The following BTBD9 variants were observed in gnomAD, a reference collection of about 807,000 sequenced individuals.
The protein encoded by BTBD9 is BTB domain containing 9, also known as BTB/POZ domain-containing protein 9.
A neutral mutation model predicts 64.3 loss-of-function variants in BTBD9; 49 were observed. The ratio of observed to expected loss-of-function variants is 0.76; its 90% CI spans 0.61 to 0.97. The LOEUF is 0.97. Among genes scored for constraint, BTBD9 ranks in the 50% least tolerant of loss-of-function variants. The pLI is 0.00. For missense variants in BTBD9, 598 were observed against 762.1 expected (o/e 0.78, Z 2.53); for synonymous variants, 260 against 274.7 (o/e 0.95, Z 0.53).
chr6:38,328,850 G>A (rs1763552137), intron 7 of BTBD9, among the ~76,000 whole-genome samples: 1 of 151,830 alleles, frequency 6.6e-6, no homozygotes, highest in Non-Finnish European at 1.5e-5. Flanking sequence ...GGGAGACTGA[G>A]GCAGGCGAAT....
At chr6:38,573,094 T>C (rs1303796724) in intron 6 of BTBD9, among the ~76,000 whole-genome samples, 1 of 152,048 alleles carries the variant, frequency 6.6e-6, no homozygotes, top group Non-Finnish European at 1.5e-5. Flanking sequence ...AGGCTTTTCA[T>C]AAATAAGAAA....
chr6:38,331,500 C>G (rs1452657358), intron 7 of BTBD9, among the ~76,000 whole-genome samples: 1 of 151,794 alleles, frequency 6.6e-6, no homozygotes, highest in Non-Finnish European at 1.5e-5. Context: ...AGAGGGGGGG[C>G]CAAGAAATAT....
At chr6:38,587,309 T>C (rs539454861) in intron 4 of BTBD9, 57 of 420,096 alleles carry the variant, frequency 1.4e-4, no homozygotes, top group South Asian at 1.2e-3. Context: ...AGATAGAACA[T>C]CCTGGAGTCC....
chr6:38,469,861 T>G (rs1348113936), intron 6 of BTBD9, among the ~76,000 whole-genome samples: 1 of 152,218 alleles, frequency 6.6e-6, no homozygotes, highest in Non-Finnish European at 1.5e-5. Flanking sequence ...TGCCACATAC[T>G]CTTTCAGACT....
chr6:38,363,126 T>C (rs1011652586), intron 6 of BTBD9, among the ~76,000 whole-genome samples: 7 of 152,340 alleles, frequency 4.6e-5, no homozygotes, highest in African/African-American at 7.2e-5. Context: ...TCTTGCTCTG[T>C]TGCCCAGGCT....
intron 1 of BTBD9, among the ~76,000 whole-genome samples, chr6:38,619,209 C>T (rs1458308151): frequency 1.3e-5 from 2 of 152,106 alleles, no homozygotes; most frequent in Non-Finnish European, 2.9e-5. Context: ...CCACGGATAT[C>T]AGGAGAAAGC....
chr6:38,362,290 A>T (rs773528380), intron 6 of BTBD9, among the ~76,000 whole-genome samples: 13 of 152,154 alleles, frequency 8.5e-5, no homozygotes, highest in Middle Eastern at 3.2e-3. Context: ...TATCAAAGTT[A>T]AGTGTCTACT....
intron 1 of BTBD9, among the ~76,000 whole-genome samples, chr6:38,625,363 A>C (rs527266083): frequency 3.9e-5 from 6 of 152,310 alleles, no homozygotes; most frequent in Non-Finnish European, 8.8e-5. Context: ...CCTATAACAC[A>C]CTTTAAAATC....
chr6:38,441,927 A>G (rs1264382149), intron 6 of BTBD9, among the ~76,000 whole-genome samples: 3 of 152,224 alleles, frequency 2.0e-5, no homozygotes, highest in Non-Finnish European at 4.4e-5. Context: ...TAGAAAGTAC[A>G]GAGCTGAGAG....
chr6:38,259,711 T>C (rs976724687), intron 8 of BTBD9, among the ~76,000 whole-genome samples: 28 of 152,220 alleles, frequency 1.8e-4, no homozygotes, highest in African/African-American at 6.8e-4. Context: ...CCTTATTTTC[T>C]ATTGTAATTC....
At chr6:38,202,586 C>T (rs1762504409) in intron 9 of BTBD9, among the ~76,000 whole-genome samples, 1 of 152,088 alleles carries the variant, frequency 6.6e-6, no homozygotes, top group Non-Finnish European at 1.5e-5. Flanking sequence ...ACAGAGTATA[C>T]TGGAACACCC....
chr6:38,428,989 G>A (rs922686542), intron 6 of BTBD9, among the ~76,000 whole-genome samples: 9 of 151,654 alleles, frequency 5.9e-5, no homozygotes, highest in Non-Finnish European at 1.3e-4. Flanking sequence ...GATTACAGGC[G>A]TGAGCCACTG....
chr6:38,538,921 C>T (rs1774145835), intron 6 of BTBD9, among the ~76,000 whole-genome samples: 1 of 151,942 alleles, frequency 6.6e-6, no homozygotes, highest in Admixed American at 6.6e-5. Flanking sequence ...GTAGCTGGGA[C>T]AACAGGCACA....
intron 10 of BTBD9, among the ~76,000 whole-genome samples, chr6:38,177,158 C>T (rs776592702): frequency 6.6e-6 from 1 of 152,202 alleles, no homozygotes; most frequent in Non-Finnish European, 1.5e-5. Flanking sequence ...TCTCCCTGCT[C>T]GGTCAATATC....
At chr6:38,504,395 C>A in intron 6 of BTBD9, 1 of 356,540 alleles carries the variant, frequency 2.8e-6, no homozygotes, top group East Asian at 7.3e-5. Flanking sequence ...GTTACCACTA[C>A]CCAAACTACA....
At position 38,545,165 on chromosome 6, in the gene BTBD9, C is replaced by T. The variant is rs149787435; in HGVS notation, c.1154+32435G>A. On this transcript the variant is annotated intron_variant, in intron 6 of 10. Transcript: ENST00000481247. Reference sequence around the variant, plus strand: ...GGAGTGTGGAGGCGCAATCTCAGCTCACTGCAACCTCCGCCTCCCGGGTTC... The same window carrying T: ...GGAGTGTGGAGGCGCAATCTCAGCTTACTGCAACCTCCGCCTCCCGGGTTC... Among the ~76,000 whole-genome samples, 444 of 151,930 alleles carry T rather than the reference C, an allele frequency of 2.9e-3. 3 individuals carry two copies. The highest frequency in any genetic ancestry group is 0.01 in the African/African-American group (429 of 41,506).
At chr6:38,385,699 T>C (rs1766130349) in intron 6 of BTBD9, among the ~76,000 whole-genome samples, 1 of 152,080 alleles carries the variant, frequency 6.6e-6, no homozygotes, top group African/African-American at 2.4e-5. Flanking sequence ...ATTGGCTAGA[T>C]ATCTTTAAGA....
At chr6:38,416,772 C>A (rs1212002405) in intron 6 of BTBD9, among the ~76,000 whole-genome samples, 2 of 152,126 alleles carry the variant, frequency 1.3e-5, no homozygotes, top group Non-Finnish European at 2.9e-5. Flanking sequence ...GGCACAGTCA[C>A]CAAAGGGCTC....
chr6:38,602,872 A>G (rs1356840831), intron 1 of BTBD9, among the ~76,000 whole-genome samples: 5 of 152,070 alleles, frequency 3.3e-5, no homozygotes, highest in African/African-American at 7.2e-5. Context: ...AAAAAAGTTC[A>G]TTACACTAAG....
Sources: gnomAD v4.1 joint callset for allele counts (sites outside exome capture counted in the v4.1 genomes callset) on GRCh38, gnomAD v4.1.1 for gene constraint, MANE v1.5 for transcripts, NCBI Gene and HGNC (gene_info 2026-07-23, HGNC 2026-07-21) for gene names.